The following TANK variants were observed in gnomAD, a reference collection of about 807,000 sequenced individuals.
TANK encodes TRAF family member associated NFKB activator.
Under a neutral mutation model 43.6 loss-of-function variants are expected in TANK, and 15 were observed. The observed-to-expected ratio is 0.34, with a 90% confidence interval of 0.23 to 0.53. The LOEUF (loss-of-function observed/expected upper bound fraction) is 0.53, where lower values mean the gene tolerates loss of function less well. Ranked by LOEUF, TANK falls within the 20% of genes least tolerant of loss-of-function variation. TANK has a pLI of 0.94. For synonymous variants in TANK, 162 were observed against 178.2 expected, an observed-to-expected ratio of 0.91 and a Z score of 0.73; for missense variants, 417 against 498.6, an observed-to-expected ratio of 0.84 and a Z score of 1.56.
At chr2:161,198,656 C>T (rs2105335068) in intron 2 of TANK, among the ~76,000 whole-genome samples, 1 of 152,296 alleles carries the variant, frequency 6.6e-6, no homozygotes, top group South Asian at 2.1e-4. Flanking sequence ...GTCTTTCAAT[C>T]CTTCAGGTAA....
At chr2:161,227,190 G>A (rs1687675588) in intron 6 of TANK, 1 of 152,192 alleles carries the variant, frequency 6.6e-6, no homozygotes, top group South Asian at 2.1e-4. Context: ...AACTCTCACT[G>A]CTTGAGCAGA....
chr2:161,185,111 C>T (rs988208935), intron 2 of TANK, among the ~76,000 whole-genome samples: 1 of 152,114 alleles, frequency 6.6e-6, no homozygotes, highest in Admixed American at 6.6e-5. Context: ...CAATATTTTA[C>T]AGAATAGGCA....
intron 1 of TANK, among the ~76,000 whole-genome samples, chr2:161,137,648 C>G (rs901456441): frequency 6.6e-6 from 1 of 151,990 alleles, no homozygotes; most frequent in South Asian, 2.1e-4. Flanking sequence ...TTTTAAAAAT[C>G]GATCCTGGCC....
At chr2:161,171,573 A>T (rs933561745) in intron 1 of TANK, among the ~76,000 whole-genome samples, 4 of 152,154 alleles carry the variant, frequency 2.6e-5, no homozygotes, top group African/African-American at 9.7e-5. Context: ...GCCTGTTCCT[A>T]TTTATCATTG....
intron 7 of TANK, chr2:161,232,600 A>G: frequency 9.8e-7 from 1 of 1,023,678 alleles, no homozygotes; most frequent in Non-Finnish European, 1.3e-6. Flanking sequence ...TCTCAGTTAT[A>G]GTTGCTACTA....
intron 2 of TANK, among the ~76,000 whole-genome samples, chr2:161,189,507 T>G (rs1685817220): frequency 6.6e-6 from 1 of 152,102 alleles, no homozygotes; most frequent in Non-Finnish European, 1.5e-5. Flanking sequence ...AGGATATACT[T>G]CTATTCACCA....
chr2:161,231,125 T>A lies in TANK; in HGVS notation c.675T>A (p.Ser225=). 2 of 1,614,136 alleles carry A rather than the reference T, an allele frequency of 1.2e-6. No homozygotes were observed. Among genetic ancestry groups the A allele is most frequent in the Non-Finnish European group, 1.7e-6 (2 of 1,180,014 alleles). ...TGTGCAGAGATGAGGAAGACACCTC[T>A]TTTGAATCACTTTCTAAATTCAATG... ...RGLCRDEEDT[S]FESLSKFNVK... The change falls in exon 7 of 8, where the codon TCT becomes TCA. Residue 225 remains serine, a synonymous_variant. Transcript: ENST00000392749.
intron 1 of TANK, among the ~76,000 whole-genome samples, chr2:161,151,271 C>T (rs962471121): frequency 6.6e-6 from 1 of 152,126 alleles, no homozygotes; most frequent in African/African-American, 2.4e-5. Context: ...GAATGCTCTA[C>T]ATGTCTGCTA....
chr2:161,205,909 T>C, intron 4 of TANK, among the ~76,000 whole-genome samples: 1 of 152,170 alleles, frequency 6.6e-6, no homozygotes, highest in Admixed American at 6.5e-5. Context: ...GTTCAAGCAA[T>C]TCTACAGGCG....
At chr2:161,151,197 G>T (rs372306180) in intron 1 of TANK, among the ~76,000 whole-genome samples, 387 of 152,190 alleles carry the variant, frequency 2.5e-3, no homozygotes, top group Non-Finnish European at 4.2e-3. Context: ...CCTAACATTT[G>T]ATCTATCCTG....
intron 2 of TANK, among the ~76,000 whole-genome samples, chr2:161,180,588 GA>G (rs1220824838): frequency 6.6e-6 from 1 of 152,086 alleles, no homozygotes. Context: ...ATACTTTTGT[GA>G]AATGATGATG....
At chr2:161,177,041 T>A (rs975709636) in intron 1 of TANK, among the ~76,000 whole-genome samples, 1 of 152,174 alleles carries the variant, frequency 6.6e-6, no homozygotes, top group African/African-American at 2.4e-5. Flanking sequence ...TAGTATGTTT[T>A]CGAATGAAGC....
At chr2:161,188,344 T>C (rs1409220623) in intron 2 of TANK, among the ~76,000 whole-genome samples, 1 of 151,938 alleles carries the variant, frequency 6.6e-6, no homozygotes, top group African/African-American at 2.4e-5. Context: ...AATAAGAAAA[T>C]GAGGACATTA....
chr2:161,171,333 C>T (rs1176733034), intron 1 of TANK, among the ~76,000 whole-genome samples: 3 of 152,148 alleles, frequency 2.0e-5, no homozygotes, highest in Non-Finnish European at 4.4e-5. Flanking sequence ...AAGTCATACC[C>T]TAAACATCTT....
In TANK at chr2:161,223,977, T is replaced by C. The variant is rs1302425159; in HGVS notation, c.390T>C (p.Pro130=). 3.1e-6 allele frequency: 5 copies of C among 1,597,602 alleles called. No homozygotes were observed. The highest frequency in any genetic ancestry group is 4.3e-6 in the Non-Finnish European group (5 of 1,169,212). ...CTTCAGCAAGGAGTCTTGGCAGTCC[T>C]TTGCTCCATGAAAGGTAGTTCTACA... is the stretch of plus-strand genomic sequence containing the variant. ...KETSARSLGS[P]LLHERGNIEK... is the part of the protein sequence containing the mutation. Residue 130 remains proline, a synonymous_variant, in exon 5 of 8, where the codon CCT becomes CCC. Transcript: ENST00000392749.
At chr2:161,215,558 C>T (rs538730511) in intron 4 of TANK, among the ~76,000 whole-genome samples, 2 of 152,126 alleles carry the variant, frequency 1.3e-5, no homozygotes, top group Non-Finnish European at 2.9e-5. Flanking sequence ...TGAAGTGCTG[C>T]ATACTAGGTA....
chr2:161,235,350 G>A lies in TANK; in HGVS notation c.1110G>A (p.Trp370Ter). ...KAIRGPQQPIWKPFPNQDSDS... is the reference protein window; with the variant it reads ...KAIRGPQQPI ...TTGTTTGTTTCCTGCAGCCCATTTG[G>A]AAGCCCTTTCCTAATCAAGACAGTG... The change falls in exon 8 of 8, where the codon TGG becomes TGA. Residue 370 changes from tryptophan (W) to a stop codon, truncating the protein, a stop_gained. Transcript: ENST00000392749. LOFTEE classifies it high-confidence loss of function. 1 of 1,588,626 alleles carries A rather than the reference G, an allele frequency of 6.3e-7. No individual in the cohort carries two copies. Among genetic ancestry groups the A allele is most frequent in the Non-Finnish European group, 8.6e-7 (1 of 1,168,076 alleles).
intron 4 of TANK, among the ~76,000 whole-genome samples, chr2:161,208,547 G>A (rs140460318): frequency 0.011 from 1,642 of 152,184 alleles, 39 homozygotes; most frequent in African/African-American, 0.038. Flanking sequence ...GGCTTAGAAC[G>A]ACAAATTTAC....
chr2:161,145,791 T>C (rs1203838911), intron 1 of TANK, among the ~76,000 whole-genome samples: 3 of 151,916 alleles, frequency 2.0e-5, no homozygotes, highest in Non-Finnish European at 2.9e-5. Flanking sequence ...AATCTGATGA[T>C]TATGTGTCTT....
Sources: allele counts gnomAD v4.1 joint callset (sites outside exome capture counted in the v4.1 genomes callset), GRCh38; gene constraint gnomAD v4.1.1; transcripts MANE v1.5; gene names NCBI Gene and HGNC (gene_info 2026-07-23, HGNC 2026-07-21).